BAIAP2L1: variants seen among roughly 807,000 people sequenced by gnomAD.
The protein encoded by BAIAP2L1 is BAR/IMD domain containing adaptor protein 2 like 1, also known as BAR/IMD domain-containing adapter protein 2-like 1.
In BAIAP2L1, 35 loss-of-function variants were observed where a neutral mutation model predicts 66.3. The observed-to-expected ratio is 0.53, with a 90% CI of 0.40 to 0.70. The LOEUF (loss-of-function observed/expected upper bound fraction) is 0.70. Among genes scored for constraint, BAIAP2L1 ranks in the 30% least tolerant of loss-of-function variants. BAIAP2L1 has a pLI of 0.00. For synonymous variants in BAIAP2L1, 269 were observed against 248.7 expected (o/e 1.08, Z -0.77); for missense variants, 622 against 656.9 (o/e 0.95, Z 0.58).
intron 1 of BAIAP2L1, among the ~76,000 whole-genome samples, chr7:98,390,236 A>G (rs376171178): frequency 1.3e-5 from 2 of 151,930 alleles, no homozygotes; most frequent in Non-Finnish European, 2.9e-5. Context: ...AATGTTAAAC[A>G]TGTATTCCCA....
chr7:98,360,050 G>A (rs1044945278), intron 2 of BAIAP2L1, among the ~76,000 whole-genome samples: 4 of 151,778 alleles, frequency 2.6e-5, no homozygotes, highest in African/African-American at 7.3e-5. Flanking sequence ...AGCCTCCCAC[G>A]TAGTTGGGAT....
At chr7:98,329,442 C>T (rs1197404073) in intron 3 of BAIAP2L1, among the ~76,000 whole-genome samples, 2 of 152,068 alleles carry the variant, frequency 1.3e-5, no homozygotes, top group East Asian at 1.9e-4. Context: ...TCTTTGCGGG[C>T]GGTCCCCACA....
At position 98,393,127 on chromosome 7, in the gene BAIAP2L1, A is replaced by ATG. The variant is rs1803101139; in HGVS notation, c.51+7674_51+7675insCA. 5.0e-5 allele frequency among the ~76,000 whole-genome samples: 5 copies of ATG among 99,104 alleles called. 1 individual carries two copies. In the South Asian group the frequency reaches 1.4e-3, roughly 28 times the overall value. 65.0% of individuals were successfully genotyped at this position (99,104 alleles called of 152,430 possible). A position where few individuals can be genotyped will look rare whatever the true frequency, so the allele number is the denominator to read the frequency against. On this transcript the variant is annotated intron_variant, in intron 1 of 13. Coordinates refer to ENST00000005260, the MANE Select transcript of BAIAP2L1 (RefSeq NM_018842.5). ...TACATATATGTACACATATATGTAT[A>ATG]TATACACACATATGTGTACATATAT...
At chr7:98,383,580 C>T (rs1802814563) in intron 1 of BAIAP2L1, among the ~76,000 whole-genome samples, 2 of 152,024 alleles carry the variant, frequency 1.3e-5, no homozygotes, top group South Asian at 2.1e-4. Flanking sequence ...AGCCACTGCG[C>T]CCGGCCATAA....
chr7:98,325,326 C>T (rs1199917642), intron 3 of BAIAP2L1, among the ~76,000 whole-genome samples: 1 of 150,920 alleles, frequency 6.6e-6, no homozygotes. Context: ...CGAGATCAGG[C>T]CACTGCACTC....
At chr7:98,386,579 C>G (rs769132029) in intron 1 of BAIAP2L1, 16 of 1,596,652 alleles carry the variant, frequency 1.0e-5, no homozygotes, top group Admixed American at 3.3e-5. Context: ...TCTTGCCAAC[C>G]GCCATGGTGC....
intron 8 of BAIAP2L1, 52 bp from the exon 9 acceptor site, chr7:98,310,644 TAC>T (rs1483712975): frequency 2.2e-6 from 3 of 1,384,520 alleles, no homozygotes; most frequent in Non-Finnish European, 2.9e-6. Context: ...GAACCGGAAT[TAC>T]ACAGATTCCC....
intron 3 of BAIAP2L1, among the ~76,000 whole-genome samples, chr7:98,325,402 G>C (rs1406135821): frequency 6.6e-6 from 1 of 151,930 alleles, no homozygotes; most frequent in Non-Finnish European, 1.5e-5. Flanking sequence ...TGGAGGCCAG[G>C]TGTGGTGGCT....
chr7:98,360,097 A>AT (rs1195389220), intron 2 of BAIAP2L1, among the ~76,000 whole-genome samples: 1 of 151,542 alleles, frequency 6.6e-6, no homozygotes, highest in Non-Finnish European at 1.5e-5. Flanking sequence ...TAAATTTTGT[A>AT]TTTTTAGTAG....
chr7:98,336,388 C>T (rs879231645), intron 3 of BAIAP2L1, among the ~76,000 whole-genome samples: 30 of 152,190 alleles, frequency 2.0e-4, no homozygotes, highest in African/African-American at 6.5e-4. Flanking sequence ...CCGAGACAGG[C>T]GAATCACTTG....
intron 3 of BAIAP2L1, among the ~76,000 whole-genome samples, chr7:98,331,220 G>T (rs1413958964): frequency 3.3e-5 from 5 of 151,982 alleles, no homozygotes; most frequent in Non-Finnish European, 5.9e-5. Flanking sequence ...AAATGAAACA[G>T]AATATCCAAG....
chr7:98,340,959 GT>G (rs72057720), intron 3 of BAIAP2L1, among the ~76,000 whole-genome samples: 93 of 129,550 alleles, frequency 7.2e-4, no homozygotes, highest in South Asian at 2.9e-3. Flanking sequence ...CAGCTAATTG[GT>G]TTTTTTTTTT....
intron 1 of BAIAP2L1, among the ~76,000 whole-genome samples, chr7:98,388,449 C>T (rs1397040542): frequency 6.6e-6 from 1 of 152,120 alleles, no homozygotes; most frequent in Non-Finnish European, 1.5e-5. Context: ...GCCGAGATCG[C>T]ACCACTGCAC....
At chr7:98,336,911 T>A (rs1801629138) in intron 3 of BAIAP2L1, among the ~76,000 whole-genome samples, 2 of 152,216 alleles carry the variant, frequency 1.3e-5, no homozygotes, top group Admixed American at 1.3e-4. Flanking sequence ...GCTCCTTACC[T>A]GTTGTGTGTA....
At chr7:98,367,058 ATTTT>A (rs71292948) in intron 1 of BAIAP2L1, among the ~76,000 whole-genome samples, 31 of 144,524 alleles carry the variant, frequency 2.1e-4, no homozygotes, top group African/African-American at 7.4e-4. Context: ...AGGTAATTAA[ATTTT>A]TTTTTTTTTT....
At position 98,339,915 on chromosome 7, in the gene BAIAP2L1, C is replaced by G. The variant is rs139759856; in HGVS notation, c.214+15127G>C. On this transcript the variant is annotated intron_variant, in intron 3 of 13. Transcript: ENST00000005260. ...GCCCCAGGTCCTTTGCGCCACCCCC[C>G]CTCGCCATGACAGGCCAATTATCCG... 5.8e-3 allele frequency among the ~76,000 whole-genome samples: 889 copies of G among 152,326 alleles called. 4 individuals carry two copies. Among genetic ancestry groups the G allele is most frequent in the African/African-American group, 0.016 (651 of 41,568 alleles).
chr7:98,378,229 C>CGT (rs1554339800), intron 1 of BAIAP2L1, among the ~76,000 whole-genome samples: 2 of 151,828 alleles, frequency 1.3e-5, no homozygotes, highest in African/African-American at 2.4e-5. Flanking sequence ...AAAAATAACA[C>CGT]GACTGGAAAT....
rs751464896 is a variant in BAIAP2L1 at position 98,293,476 on chromosome 7, G to C, written c.*45C>G. ...GCAGACAGGATGCGCCCATCATTCC[G>C]CAAGGGAGAACCGGAGAGGCCCGGG... On this transcript the variant is annotated 3_prime_UTR_variant, in exon 14 of 14. Coordinates refer to ENST00000005260, the MANE Select transcript of BAIAP2L1 (RefSeq NM_018842.5). 2.6e-6 allele frequency: 4 copies of C among 1,568,366 alleles called. No individual in the cohort carries two copies. Among genetic ancestry groups the C allele is most frequent in the Non-Finnish European group, 2.6e-6 (3 of 1,140,292 alleles).
intron 1 of BAIAP2L1, chr7:98,386,027 A>G (rs775661162): frequency 2.2e-5 from 31 of 1,395,020 alleles, no homozygotes; most frequent in Non-Finnish European, 3.1e-5. Context: ...TCTGGAATCA[A>G]TTTATTGACC....
Sources: allele counts gnomAD v4.1 joint callset (sites outside exome capture counted in the v4.1 genomes callset), GRCh38; gene constraint gnomAD v4.1.1; transcripts MANE v1.5; gene names NCBI Gene and HGNC (gene_info 2026-07-23, HGNC 2026-07-21).